Variants in INTU observed in about 807,000 individuals in gnomAD.
The protein encoded by INTU is protein inturned.
Under a neutral mutation model 100.5 loss-of-function variants are expected in INTU, and 68 were observed. The ratio of observed to expected loss-of-function variants is 0.68; its 90% confidence interval spans 0.56 to 0.83. The LOEUF is 0.83. Among genes scored for constraint, INTU ranks in the 40% least tolerant of loss-of-function variants. The pLI is 0.00. For synonymous variants in INTU, 357 were observed against 395.7 expected, an observed-to-expected ratio of 0.90 and a Z score of 1.16; for missense variants, 1,071 against 1,114.7, an observed-to-expected ratio of 0.96 and a Z score of 0.56.
intron 4 of INTU, among the ~76,000 whole-genome samples, chr4:127,666,290 C>G (rs1318723909): frequency 6.6e-6 from 1 of 152,112 alleles, no homozygotes; most frequent in Non-Finnish European, 1.5e-5. Context: ...TCTACTAGCT[C>G]TAGTCCTAAG....
intron 1 of INTU, among the ~76,000 whole-genome samples, chr4:127,638,766 A>G (rs987019636): frequency 6.6e-6 from 1 of 152,182 alleles, no homozygotes; most frequent in Non-Finnish European, 1.5e-5. Context: ...CGTTGCTGGC[A>G]GGCTATAAAC....
chr4:127,658,277 A>ATT (rs1728323685), intron 3 of INTU, among the ~76,000 whole-genome samples: 1 of 152,194 alleles, frequency 6.6e-6, no homozygotes, highest in Non-Finnish European at 1.5e-5. Context: ...TGCTGGAATA[A>ATT]CTATGGTAGC....
intron 6 of INTU, among the ~76,000 whole-genome samples, chr4:127,677,097 A>C (rs898133853): frequency 2.6e-5 from 4 of 152,176 alleles, no homozygotes; most frequent in Non-Finnish European, 2.9e-5. Flanking sequence ...AGCAGCCGGG[A>C]AGCTCGAACT....
At chr4:127,649,468 G>GT (rs1727735026) in intron 2 of INTU, among the ~76,000 whole-genome samples, 1 of 151,862 alleles carries the variant, frequency 6.6e-6, no homozygotes, top group East Asian at 1.9e-4. Context: ...TACAGGTTGA[G>GT]TACTCCTTCT....
At chr4:127,689,837 T>A (rs1487776051) in intron 8 of INTU, among the ~76,000 whole-genome samples, 2 of 152,120 alleles carry the variant, frequency 1.3e-5, no homozygotes, top group African/African-American at 4.8e-5. Context: ...ACTTTACCTT[T>A]AAAAGAGAAA....
At chr4:127,712,842 T>A (rs1407541609) in intron 14 of INTU, among the ~76,000 whole-genome samples, 1 of 152,168 alleles carries the variant, frequency 6.6e-6, no homozygotes. Context: ...GCTGCGGCAT[T>A]AGGTTCTCAT....
chr4:127,681,668 A>T (rs1201060473), intron 6 of INTU, among the ~76,000 whole-genome samples: 2 of 152,242 alleles, frequency 1.3e-5, no homozygotes, highest in African/African-American at 4.8e-5. Flanking sequence ...AAACCTAGGC[A>T]TTACCATTCA....
In INTU at chr4:127,670,258, G is replaced by A. The variant is rs552478326; in HGVS notation, c.1091+1104G>A. 2.8e-3 allele frequency among the ~76,000 whole-genome samples: 418 copies of A among 151,588 alleles called. 3 individuals are homozygous for A. Among genetic ancestry groups the A allele is most frequent in the African/African-American group, 9.1e-3 (375 of 41,398 alleles). ...TTTATCTCAAATTTCAACAGCCTCC[G>A]TAATACTGAAAAAATATCAAGTTGG... On this transcript the variant is annotated intron_variant, in intron 5 of 15. Coordinates refer to ENST00000335251, the MANE Select transcript of INTU (RefSeq NM_015693.4).
At position 127,677,792 on chromosome 4, in the gene INTU, C is replaced by A. The variant is rs1366128235; in HGVS notation, c.1181+3579C>A. 3.3e-5 allele frequency among the ~76,000 whole-genome samples: 5 copies of A among 152,208 alleles called. No individual in the cohort carries two copies. In the East Asian group the frequency reaches 7.8e-4, roughly 24 times the overall value. ...ATGAGAGAAGAAGGCTTCAGACGAT[C>A]AAACTACTCCGAGCTACAGGAGGAA... On this transcript the variant is annotated intron_variant, in intron 6 of 15. Transcript: ENST00000335251.
At chr4:127,662,779 C>T (rs1728529089) in intron 3 of INTU, among the ~76,000 whole-genome samples, 1 of 152,154 alleles carries the variant, frequency 6.6e-6, no homozygotes, top group Admixed American at 6.6e-5. Context: ...GAAATTAAAA[C>T]TCTCTTGATA....
At chr4:127,656,772 T>C (rs765060570) in intron 3 of INTU, 51 bp downstream of exon 3, 31 of 1,171,892 alleles carry the variant, frequency 2.6e-5, no homozygotes, top group Non-Finnish European at 3.1e-5. Context: ...AATAAATATA[T>C]AAATATATCG....
At chr4:127,636,076 G>A (rs999966446) in intron 1 of INTU, among the ~76,000 whole-genome samples, 5 of 151,844 alleles carry the variant, frequency 3.3e-5, no homozygotes, top group Admixed American at 2.6e-4. Context: ...AACCAGCCTC[G>A]GAAACATAGT....
intron 8 of INTU, among the ~76,000 whole-genome samples, chr4:127,693,335 A>C (rs1465288657): frequency 1.3e-5 from 2 of 151,710 alleles, no homozygotes; most frequent in African/African-American, 4.8e-5. Flanking sequence ...TTTTGCAGCT[A>C]TTGTGAAAGG....
At chr4:127,656,258 A>G (rs1055936997) in intron 2 of INTU, among the ~76,000 whole-genome samples, 3 of 151,742 alleles carry the variant, frequency 2.0e-5, no homozygotes, top group Non-Finnish European at 4.4e-5. Context: ...TTTTGTTTTT[A>G]CTGTGGGTCT....
intron 5 of INTU, among the ~76,000 whole-genome samples, chr4:127,671,026 G>T (rs536181585): frequency 6.6e-6 from 1 of 152,086 alleles, no homozygotes; most frequent in African/African-American, 2.4e-5. Context: ...GAAAACCTAG[G>T]AAACACTCTT....
At chr4:127,645,770 G>T (rs1466723820) in intron 2 of INTU, among the ~76,000 whole-genome samples, 3 of 151,816 alleles carry the variant, frequency 2.0e-5, no homozygotes, top group Non-Finnish European at 2.9e-5. Flanking sequence ...CACCATGTTG[G>T]TCAGGCTGGT....
rs550900798 is a variant in INTU, at chr4:127,679,555, C to T, written c.1182-4854C>T. Among the ~76,000 whole-genome samples, 604 of 151,978 alleles carry T rather than the reference C, an allele frequency of 4.0e-3. 3 individuals carry two copies. Among genetic ancestry groups the T allele is most frequent in the African/African-American group, 0.014 (574 of 41,400 alleles). ...AAATAAAGATGTTCTTTGAAACCAA[C>T]GAGAACAAAGACACAACATACCAGA... On this transcript the variant is annotated intron_variant, in intron 6 of 15. Coordinates refer to ENST00000335251, the MANE Select transcript of INTU (RefSeq NM_015693.4).
chr4:127,651,572 A>T (rs990775432), intron 2 of INTU, among the ~76,000 whole-genome samples: 50 of 152,192 alleles, frequency 3.3e-4, no homozygotes, highest in African/African-American at 1.2e-3. Context: ...TGTTCCATTG[A>T]TCTATATCTC....
At position 127,643,861 on chromosome 4, in the gene INTU, G is replaced by A; in HGVS notation, c.487G>A (p.Val163Ile). Residue 163 changes from valine (V) to isoleucine (I), a missense_variant, in exon 2 of 16, where the codon GTT becomes ATT. By Grantham distance (29) the Val-to-Ile change is conservative. Transcript: ENST00000335251. ...CCAACAGCGATACAAAGATGTGAATGTTTATGTAAACCCCAAAAAGCTAAC... is the reference window on the plus strand; with the variant it reads ...CCAACAGCGATACAAAGATGTGAATATTTATGTAAACCCCAAAAAGCTAAC... The part of the protein sequence containing the change: ...IVQQRYKDVN[V>I]YVNPKKLTVI... The A allele has an allele frequency of 6.2e-7, 1 of 1,614,076 alleles. No individual in the cohort carries two copies. Among genetic ancestry groups the A allele is most frequent in the Non-Finnish European group, 8.5e-7 (1 of 1,180,006 alleles).
Sources: allele counts gnomAD v4.1 joint callset (sites outside exome capture counted in the v4.1 genomes callset), GRCh38; gene constraint gnomAD v4.1.1; transcripts MANE v1.5; gene names NCBI Gene and HGNC (gene_info 2026-07-23, HGNC 2026-07-21).